The following MAPKAP1 variants were observed in gnomAD, a reference collection of about 807,000 sequenced individuals.
MAPKAP1 encodes the protein MAPK associated protein 1, also known as target of rapamycin complex 2 subunit MAPKAP1.
In MAPKAP1, 20 loss-of-function variants were observed where a neutral mutation model predicts 65.7. That is an observed-to-expected ratio of 0.30 (90% CI 0.21 to 0.44). MAPKAP1 has a LOEUF of 0.44. Ranked by LOEUF, MAPKAP1 falls within the 20% of genes least tolerant of loss-of-function variation. The pLI is 1.00. For synonymous variants in MAPKAP1, 222 were observed against 244.3 expected, an observed-to-expected ratio of 0.91 and a Z score of 0.85; for missense variants, 423 against 648.0, an observed-to-expected ratio of 0.65 and a Z score of 3.77.
chr9:125,554,153 T>C (rs1830667014), intron 6 of MAPKAP1, among the ~76,000 whole-genome samples: 1 of 152,222 alleles, frequency 6.6e-6, no homozygotes, highest in African/African-American at 2.4e-5. Context: ...ATGGCATTAC[T>C]GCAAGCTGCA....
intron 9 of MAPKAP1, among the ~76,000 whole-genome samples, chr9:125,474,010 T>TA (rs1486371579): frequency 6.6e-6 from 1 of 152,148 alleles, no homozygotes; most frequent in Non-Finnish European, 1.5e-5. Context: ...GCCTGATACA[T>TA]AGCTAGCGAT....
At chr9:125,694,415 G>A (rs1835323559) in intron 1 of MAPKAP1, among the ~76,000 whole-genome samples, 1 of 151,964 alleles carries the variant, frequency 6.6e-6, no homozygotes, top group South Asian at 2.1e-4. Context: ...AAGCACACAT[G>A]CATTTACTAC....
Position 125,669,934 on chromosome 9 carries a change from G to A in MAPKAP1, c.260-27C>T, listed in dbSNP as rs200780878. On this transcript the variant is annotated intron_variant, in intron 2 of 11. Transcript: ENST00000265960. ...TTGAAAAGAAATATTATAACTGTAA[G>A]TTTGTCAATGAAAGTTTACCATAAA... is the stretch of plus-strand genomic sequence containing the variant. 5,813 of 1,317,056 alleles carry A rather than the reference G, an allele frequency of 4.4e-3. 57 individuals are homozygous for A. Among genetic ancestry groups the A allele is most frequent in the South Asian group, 0.026 (1,964 of 74,752 alleles). The allele number at this position is 1,317,056 out of a possible 1,614,324, so 81.6% of individuals were successfully genotyped here.
chr9:125,444,421 G>A lies in MAPKAP1; in HGVS notation c.1443+80C>T, dbSNP rs41307422. 3,062 of 1,096,798 alleles carry A rather than the reference G, an allele frequency of 2.8e-3. 18 individuals are homozygous for A. The highest frequency in any genetic ancestry group is 0.027 in the Middle Eastern group (133 of 4,870). The allele number at this position is 1,096,798 out of a possible 1,614,324, so 67.9% of individuals were successfully genotyped here. A position where few individuals can be genotyped will look rare whatever the true frequency, so the allele number is the denominator to read the frequency against. ...CTTCTATAGAGCTGCGGAGTGGGTG[G>A]GGCTGCGGCCATGCCGCAAACAGCC... On this transcript the variant is annotated intron_variant, in intron 11 of 11. Coordinates refer to ENST00000265960, the MANE Select transcript of MAPKAP1 (RefSeq NM_001006617.3).
chr9:125,472,284 C>G (rs1168605489), intron 9 of MAPKAP1, among the ~76,000 whole-genome samples: 1 of 152,202 alleles, frequency 6.6e-6, no homozygotes, highest in African/African-American at 2.4e-5. Context: ...TCTCAAGTCC[C>G]TGTTCTTTCT....
At chr9:125,673,863 G>A (rs986660486) in intron 1 of MAPKAP1, among the ~76,000 whole-genome samples, 18 of 152,186 alleles carry the variant, frequency 1.2e-4, no homozygotes, top group South Asian at 6.2e-4. Context: ...GATCACTTGA[G>A]CCCCAGCATT....
At chr9:125,584,642 G>C (rs954488603) in intron 5 of MAPKAP1, among the ~76,000 whole-genome samples, 1 of 152,164 alleles carries the variant, frequency 6.6e-6, no homozygotes, top group African/African-American at 2.4e-5. Context: ...GGCCAGGCTG[G>C]TCTCAAACCC....
At chr9:125,541,871 C>T (rs968862338) in intron 7 of MAPKAP1, among the ~76,000 whole-genome samples, 2 of 152,216 alleles carry the variant, frequency 1.3e-5, no homozygotes, top group Non-Finnish European at 1.5e-5. Flanking sequence ...TCTATCTCTG[C>T]GGCCAGTGAT....
intron 4 of MAPKAP1, among the ~76,000 whole-genome samples, chr9:125,622,161 G>A (rs1357924346): frequency 6.6e-6 from 1 of 152,120 alleles, no homozygotes; most frequent in East Asian, 1.9e-4. Context: ...GGAGAGGCTG[G>A]TTCATGAGTA....
intron 4 of MAPKAP1, among the ~76,000 whole-genome samples, chr9:125,640,915 A>C (rs1016023862): frequency 5.3e-5 from 8 of 152,244 alleles, no homozygotes; most frequent in African/African-American, 1.9e-4. Flanking sequence ...AAATGTGTGG[A>C]AATATTTCTT....
intron 6 of MAPKAP1, among the ~76,000 whole-genome samples, chr9:125,549,297 A>G (rs1830517751): frequency 6.6e-6 from 1 of 152,216 alleles, no homozygotes; most frequent in Non-Finnish European, 1.5e-5. Flanking sequence ...AGTTCCCAAT[A>G]GTGATGAAGA....
At chr9:125,656,391 A>G (rs1418175612) in intron 4 of MAPKAP1, among the ~76,000 whole-genome samples, 2 of 152,216 alleles carry the variant, frequency 1.3e-5, no homozygotes, top group South Asian at 2.1e-4. Flanking sequence ...ATAACTTACT[A>G]AAAGTGCTGT....
rs755540103 is a variant in MAPKAP1 at position 125,497,575 on chromosome 9, C to A, written c.1066+8735G>T. On this transcript the variant is annotated intron_variant, in intron 8 of 11. Transcript: ENST00000265960. ...TGTTATAATAAGAGCACTTATATCT[C>A]ATTCAATTCTCACCAAATCCTTGTG... 8.7e-4 allele frequency among the ~76,000 whole-genome samples: 132 copies of A among 152,342 alleles called. 2 individuals carry two copies. Among genetic ancestry groups the A allele is most frequent in the Middle Eastern group, 6.8e-3 (2 of 294 alleles).
intron 7 of MAPKAP1, among the ~76,000 whole-genome samples, chr9:125,534,148 A>T (rs1399965641): frequency 6.6e-6 from 1 of 152,228 alleles, no homozygotes; most frequent in African/African-American, 2.4e-5. Flanking sequence ...ACAGATGTTG[A>T]ATATGTAAGT....
chr9:125,537,226 C>G lies in MAPKAP1; in HGVS notation c.958+5833G>C, dbSNP rs1830098697. ...TCTTAGAGCTGAGGAAAGTGAGGCTCAGAGAAGTACATCATTACATATACA... is the reference window on the plus strand; with the variant it reads ...TCTTAGAGCTGAGGAAAGTGAGGCTGAGAGAAGTACATCATTACATATACA... On this transcript the variant is annotated intron_variant, in intron 7 of 11. Transcript: ENST00000265960. 3.3e-5 allele frequency among the ~76,000 whole-genome samples: 5 copies of G among 152,198 alleles called. No individual in the cohort carries two copies. In the South Asian group the frequency reaches 1.0e-3, roughly 32 times the overall value.
At chr9:125,699,997 C>T (rs1202286646) in intron 1 of MAPKAP1, among the ~76,000 whole-genome samples, 1 of 152,152 alleles carries the variant, frequency 6.6e-6, no homozygotes, top group Non-Finnish European at 1.5e-5. Flanking sequence ...AAGGTACTTA[C>T]ATATATTGTT....
chr9:125,533,009 T>A (rs1301341964), intron 7 of MAPKAP1, among the ~76,000 whole-genome samples: 1 of 152,164 alleles, frequency 6.6e-6, no homozygotes, highest in East Asian at 1.9e-4. Context: ...GCTTTGCCGG[T>A]GCTCAAAGGG....
rs1589324672 is a variant in MAPKAP1 at position 125,596,467 on chromosome 9, A to C, written c.499-10740T>G. On this transcript the variant is annotated intron_variant, in intron 4 of 11. Coordinates refer to ENST00000265960, the MANE Select transcript of MAPKAP1 (RefSeq NM_001006617.3). ...CTACAATGATTCTGGCAATTACAAC[A>C]ATCAGTCTTCAAATTTTGAACCCAT... is the stretch of plus-strand genomic sequence containing the variant. 1.1e-5 allele frequency: 8 copies of C among 755,750 alleles called. No homozygotes were observed. The East Asian group carries it at 2.0e-4, about 19-fold the overall frequency. The allele number at this position is 755,750 out of a possible 1,614,324, so 46.8% of individuals were successfully genotyped here. A position where few individuals can be genotyped will look rare whatever the true frequency, so the allele number is the denominator to read the frequency against.
At chr9:125,639,011 G>A (rs1177740997) in intron 4 of MAPKAP1, among the ~76,000 whole-genome samples, 2 of 152,158 alleles carry the variant, frequency 1.3e-5, no homozygotes, top group African/African-American at 4.8e-5. Context: ...GGCTGAGACG[G>A]GCGGACCACC....
Sources: gnomAD v4.1 joint callset for allele counts (sites outside exome capture counted in the v4.1 genomes callset) on GRCh38, gnomAD v4.1.1 for gene constraint, MANE v1.5 for transcripts, NCBI Gene and HGNC (gene_info 2026-07-23, HGNC 2026-07-21) for gene names.